Variants in CTNNA3 observed in about 807,000 individuals in gnomAD.
CTNNA3 encodes catenin alpha 3, also known as catenin alpha-3.
A neutral mutation model predicts 95.7 loss-of-function variants in CTNNA3; 76 were observed. The observed-to-expected ratio is 0.79, with a 90% CI of 0.66 to 0.96. CTNNA3 has a LOEUF of 0.96. Ranked by LOEUF, CTNNA3 falls within the 40% of genes least tolerant of loss-of-function variation. The pLI, the probability that CTNNA3 is intolerant of heterozygous loss-of-function variation, is 0.00. For synonymous variants in CTNNA3, 431 were observed against 374.4 expected, an observed-to-expected ratio of 1.15 and a Z score of -1.74; for missense variants, 1,191 against 1,089.8, an observed-to-expected ratio of 1.09 and a Z score of -1.31.
At chr10:66,114,428 GTATGTATATATGTGTATA>G (rs1184016554) in intron 13 of CTNNA3, among the ~76,000 whole-genome samples, 15 of 149,908 alleles carry the variant, frequency 1.0e-4, no homozygotes, top group East Asian at 5.9e-4. Context: ...GTGTATATTC[GTATGTATATATGTGTATA>G]TATGTATATA....
chr10:66,881,513 T>G (rs1379149277), intron 7 of CTNNA3, among the ~76,000 whole-genome samples: 1 of 152,114 alleles, frequency 6.6e-6, no homozygotes. Context: ...CCATATAACA[T>G]GATTCTACTA....
upstream of CTNNA3, among the ~76,000 whole-genome samples, chr10:67,700,331 T>C (rs1157610709): frequency 2.0e-5 from 3 of 152,062 alleles, no homozygotes; most frequent in Non-Finnish European, 4.4e-5. Context: ...CTCAAGTGGG[T>C]CCCTGACCCC....
intron 7 of CTNNA3, among the ~76,000 whole-genome samples, chr10:66,814,238 A>C (rs1387396504): frequency 6.8e-6 from 1 of 146,964 alleles, no homozygotes; most frequent in Non-Finnish European, 1.5e-5. Flanking sequence ...CATTATTCCC[A>C]GAAGAATGTT....
chr10:66,755,481 T>A (rs539050034), intron 9 of CTNNA3, among the ~76,000 whole-genome samples: 1 of 152,250 alleles, frequency 6.6e-6, no homozygotes, highest in African/African-American at 2.4e-5. Flanking sequence ...ATCATTGATA[T>A]CATTTGTAAT....
At chr10:66,734,249 C>T (rs1849058422) in intron 9 of CTNNA3, among the ~76,000 whole-genome samples, 1 of 151,862 alleles carries the variant, frequency 6.6e-6, no homozygotes, top group African/African-American at 2.4e-5. Context: ...CTTTTCTTCT[C>T]TCTCTCTAAA....
intron 11 of CTNNA3, among the ~76,000 whole-genome samples, chr10:66,453,608 C>G (rs1407554180): frequency 2.0e-5 from 3 of 152,206 alleles, no homozygotes; most frequent in African/African-American, 7.2e-5. Context: ...TGTAATCAGC[C>G]TAATCGAAGG....
At chr10:66,523,939 C>T (rs560006020) in intron 10 of CTNNA3, among the ~76,000 whole-genome samples, 13 of 152,162 alleles carry the variant, frequency 8.5e-5, no homozygotes, top group Admixed American at 1.3e-4. Context: ...CTAAAACCGT[C>T]CCCAGGTTGG....
chr10:67,599,046 A>T (rs1843004923), intron 3 of CTNNA3, among the ~76,000 whole-genome samples: 1 of 152,206 alleles, frequency 6.6e-6, no homozygotes, highest in Non-Finnish European at 1.5e-5. Context: ...TGCAAGTTAG[A>T]TGGGTTTTGT....
At chr10:67,488,758 C>T (rs1848545903) in intron 5 of CTNNA3, among the ~76,000 whole-genome samples, 1 of 151,462 alleles carries the variant, frequency 6.6e-6, no homozygotes, top group Admixed American at 6.6e-5. Context: ...CAACCTCCGG[C>T]TCCCAGGCTC....
intron 11 of CTNNA3, among the ~76,000 whole-genome samples, chr10:66,513,810 C>T (rs2131999971): frequency 6.6e-6 from 1 of 152,270 alleles, no homozygotes; most frequent in Admixed American, 6.5e-5. Flanking sequence ...CTTTGGATTT[C>T]TATGTCCTGG....
chr10:67,344,386 T>C (rs1170084392), intron 5 of CTNNA3, among the ~76,000 whole-genome samples: 1 of 152,002 alleles, frequency 6.6e-6, no homozygotes, highest in Non-Finnish European at 1.5e-5. Context: ...AATTTTTCCC[T>C]CCTCCTCTAT....
At chr10:66,376,564 TA>T (rs2092798141) in intron 12 of CTNNA3, among the ~76,000 whole-genome samples, 1 of 152,154 alleles carries the variant, frequency 6.6e-6, no homozygotes, top group Admixed American at 6.6e-5. Flanking sequence ...TGCTATGTTC[TA>T]AAAACCTTCT....
intron 15 of CTNNA3, among the ~76,000 whole-genome samples, chr10:66,036,066 C>T (rs765714605): frequency 4.6e-5 from 7 of 152,104 alleles, no homozygotes; most frequent in African/African-American, 1.7e-4. Context: ...AGAAGGAATA[C>T]ATTTAGAGTC....
At chr10:66,288,707 T>C (rs576198093) in intron 12 of CTNNA3, among the ~76,000 whole-genome samples, 49 of 152,226 alleles carry the variant, frequency 3.2e-4, no homozygotes, top group Non-Finnish European at 6.2e-4. Flanking sequence ...ATTTCAAATA[T>C]TTGCAAATCA....
intron 13 of CTNNA3, among the ~76,000 whole-genome samples, chr10:66,133,711 G>T (rs1478281705): frequency 1.3e-5 from 2 of 151,918 alleles, no homozygotes; most frequent in African/African-American, 4.8e-5. Context: ...AACAATAAAA[G>T]AAAGTCTAGA....
At chr10:66,094,148 G>C (rs1026059095) in intron 14 of CTNNA3, among the ~76,000 whole-genome samples, 17 of 152,092 alleles carry the variant, frequency 1.1e-4, no homozygotes, top group Non-Finnish European at 8.8e-5. Flanking sequence ...ATGATGAGCA[G>C]ATACTAGTAA....
intron 10 of CTNNA3, among the ~76,000 whole-genome samples, chr10:66,608,998 CA>C (rs1844232151): frequency 1.3e-5 from 2 of 152,056 alleles, no homozygotes; most frequent in African/African-American, 4.8e-5. Context: ...CAGAGTGTAA[CA>C]GAAAACTTAC....
In CTNNA3 at chr10:67,416,664, C is replaced by G. The variant is rs1483038305; in HGVS notation, c.579+105178G>C. On this transcript the variant is annotated intron_variant, in intron 5 of 17. Coordinates refer to ENST00000433211, the MANE Select transcript of CTNNA3 (RefSeq NM_013266.4). Reference sequence around the variant, plus strand: ...ACAAAGGACATGAACAGACACTTCTCAAAAGAAGATAAGTGGCCAGTAAAC... The same window carrying G: ...ACAAAGGACATGAACAGACACTTCTGAAAAGAAGATAAGTGGCCAGTAAAC... Among the ~76,000 whole-genome samples, 3 of 146,826 alleles carry G rather than the reference C, an allele frequency of 2.0e-5. No individual in the cohort carries two copies. The East Asian group carries it at 6.1e-4, about 30-fold the overall frequency.
intron 14 of CTNNA3, among the ~76,000 whole-genome samples, chr10:66,101,814 A>G (rs529625256): frequency 6.6e-6 from 1 of 152,304 alleles, no homozygotes; most frequent in East Asian, 1.9e-4. Context: ...TTAAAATTAG[A>G]TATTTTTCAG....
Sources: allele counts gnomAD v4.1 joint callset (sites outside exome capture counted in the v4.1 genomes callset), GRCh38; gene constraint gnomAD v4.1.1; transcripts MANE v1.5; gene names NCBI Gene and HGNC (gene_info 2026-07-23, HGNC 2026-07-21).